EPB41L3: variants seen among roughly 807,000 people sequenced by gnomAD.
EPB41L3 encodes erythrocyte membrane protein band 4.1 like 3, also known as band 4.1-like protein 3.
Under a neutral mutation model 127.1 loss-of-function variants are expected in EPB41L3, and 57 were observed. That is an observed-to-expected ratio of 0.45 (90% CI 0.36 to 0.56). The LOEUF is 0.56. EPB41L3 is among the 20% of genes least tolerant of loss of function. The probability of loss-of-function intolerance (pLI) is 0.00; values close to 1 mark genes in which losing one functional copy is unlikely to be tolerated. For synonymous variants in EPB41L3, 572 were observed against 549.5 expected, an observed-to-expected ratio of 1.04 and a Z score of -0.57; for missense variants, 1,273 against 1,372.2, an observed-to-expected ratio of 0.93 and a Z score of 1.14.
At chr18:5,589,447 C>A (rs1051207534) in intron 3 of EPB41L3, among the ~76,000 whole-genome samples, 3 of 152,004 alleles carry the variant, frequency 2.0e-5, no homozygotes, top group Admixed American at 2.0e-4. Flanking sequence ...AGCAATAAAG[C>A]AAGTAATTTA....
chr18:5,466,110 A>G (rs1329453191), intron 3 of EPB41L3, among the ~76,000 whole-genome samples: 1 of 152,214 alleles, frequency 6.6e-6, no homozygotes, highest in Non-Finnish European at 1.5e-5. Flanking sequence ...ACAGCAAACA[A>G]CATTGGACTG....
intron 9 of EPB41L3, 70 bp downstream of exon 9, chr18:5,428,243 A>G: frequency 6.3e-7 from 1 of 1,574,896 alleles, no homozygotes; most frequent in African/African-American, 1.3e-5. Context: ...TCATAAGCAG[A>G]TAATTTAAAT....
chr18:5,473,144 T>G (rs1432079789), intron 3 of EPB41L3, among the ~76,000 whole-genome samples: 3 of 152,166 alleles, frequency 2.0e-5, no homozygotes, highest in Admixed American at 6.5e-5. Context: ...TGCCCCAATC[T>G]GGAGGCAAAT....
chr18:5,400,872 TA>T, intron 16 of EPB41L3: 2 of 763,274 alleles, frequency 2.6e-6, no homozygotes, highest in Non-Finnish European at 2.1e-6. Flanking sequence ...TTAAACAAGA[TA>T]AATGTTAAAG....
At chr18:5,609,375 A>G (rs2094700108) in intron 3 of EPB41L3, among the ~76,000 whole-genome samples, 1 of 152,222 alleles carries the variant, frequency 6.6e-6, no homozygotes, top group Non-Finnish European at 1.5e-5. Flanking sequence ...ATATGTATTG[A>G]AAAACATTTT....
intron 3 of EPB41L3, among the ~76,000 whole-genome samples, chr18:5,583,857 G>A (rs1201467157): frequency 6.6e-6 from 1 of 152,168 alleles, no homozygotes; most frequent in Non-Finnish European, 1.5e-5. Context: ...TGTCCAGGCT[G>A]GAGTGCAACG....
chr18:5,628,474 G>GGCCTC (rs1357397490), intron 1 of EPB41L3, among the ~76,000 whole-genome samples: 1 of 152,206 alleles, frequency 6.6e-6, no homozygotes, highest in Non-Finnish European at 1.5e-5. Context: ...GGGTCCGCCT[G>GGCCTC]GCCTCGCCTC....
At chr18:5,415,198 A>G (rs2076650027) in intron 13 of EPB41L3, among the ~76,000 whole-genome samples, 1 of 152,182 alleles carries the variant, frequency 6.6e-6, no homozygotes, top group Admixed American at 6.5e-5. Context: ...TGCCCTTACC[A>G]ATGGCTGATG....
chr18:5,549,123 G>A (rs974513298), upstream of EPB41L3, among the ~76,000 whole-genome samples: 3 of 152,230 alleles, frequency 2.0e-5, no homozygotes, highest in Non-Finnish European at 4.4e-5. Flanking sequence ...TTAGGAAAAT[G>A]TGTGATGGTT....
At chr18:5,567,033 T>C (rs1198757610) in intron 3 of EPB41L3, 2 of 152,212 alleles carry the variant, frequency 1.3e-5, no homozygotes, top group Non-Finnish European at 2.9e-5. Context: ...CTCAAACTCC[T>C]GACATCAAGT....
chr18:5,549,566 G>A (rs2093933929), intron 3 of EPB41L3, among the ~76,000 whole-genome samples: 1 of 152,108 alleles, frequency 6.6e-6, no homozygotes, highest in Non-Finnish European at 1.5e-5. Context: ...ACATTTCTGT[G>A]TCAATAAAAA....
At chr18:5,614,277 A>C (rs1237231331) in intron 2 of EPB41L3, 1 of 152,240 alleles carries the variant, frequency 6.6e-6, no homozygotes, top group African/African-American at 2.4e-5. Flanking sequence ...ATCACCTTAT[A>C]ATGAATCTCA....
intron 2 of EPB41L3, among the ~76,000 whole-genome samples, chr18:5,482,340 C>T (rs1215422442): frequency 1.3e-5 from 2 of 152,052 alleles, no homozygotes; most frequent in East Asian, 3.8e-4. Context: ...CAAAAAGGAA[C>T]AGAGTGCATA....
At chr18:5,608,347 C>CA (rs1273726643) in intron 3 of EPB41L3, among the ~76,000 whole-genome samples, 2 of 151,780 alleles carry the variant, frequency 1.3e-5, no homozygotes, top group African/African-American at 4.8e-5. Flanking sequence ...CGTATACATG[C>CA]AAAAAAACAA....
At chr18:5,544,372 C>T, upstream of EPB41L3, 1 of 964,874 alleles carries the variant, frequency 1.0e-6, no homozygotes, top group Non-Finnish European at 1.2e-6. Context: ...TGTTCCTGAC[C>T]TTCAGGTGAG....
Position 5,410,588 on chromosome 18 carries a change from T to A in EPB41L3, c.2099A>T (p.Asp700Val). 3.1e-6 allele frequency: 5 copies of A among 1,613,744 alleles called. No homozygotes were observed. The highest frequency in any genetic ancestry group is 4.2e-6 in the Non-Finnish European group (5 of 1,179,770). The change falls in exon 14 of 23, where the codon GAC becomes GTC. Residue 700 changes from aspartate to valine, a missense_variant. Physicochemically the swap from Asp to Val is radical, Grantham distance 152 (BLOSUM62 -3). Transcript: ENST00000341928. ...AACCTCAGTGGCAGTGGTCTCCCCG[T>A]CGGCTGCGGTGTCCGTGCGCTCACT... is the stretch of plus-strand genomic sequence containing the variant. ...TDSERTDTAADGETTATESDQ... is the reference protein window; with the variant it reads ...TDSERTDTAAVGETTATESDQ...
chr18:5,544,022 C>T (rs2093829551), upstream of EPB41L3: 1 of 985,592 alleles, frequency 1.0e-6, no homozygotes, highest in Non-Finnish European at 1.2e-6. Flanking sequence ...AGCCGCAGCC[C>T]AGGGCTGCTC....
chr18:5,409,866 G>A (rs2075981425), intron 14 of EPB41L3, among the ~76,000 whole-genome samples: 1 of 152,036 alleles, frequency 6.6e-6, no homozygotes, highest in Admixed American at 6.5e-5. Context: ...CTTAATGGTA[G>A]AGAAGATTTG....
chr18:5,533,418 G>GA (rs972343133), intron 1 of EPB41L3, among the ~76,000 whole-genome samples: 1 of 152,016 alleles, frequency 6.6e-6, no homozygotes, highest in African/African-American at 2.4e-5. Context: ...ATGAGCATAG[G>GA]AAAAAATGCT....
Sources: gnomAD v4.1 joint callset for allele counts (sites outside exome capture counted in the v4.1 genomes callset) on GRCh38, gnomAD v4.1.1 for gene constraint, MANE v1.5 for transcripts, NCBI Gene and HGNC (gene_info 2026-07-23, HGNC 2026-07-21) for gene names.